Variants in PPARGC1A observed in about 807,000 individuals in gnomAD.
PPARGC1A encodes peroxisome proliferator-activated receptor gamma coactivator 1-alpha.
PPARGC1A carries 25 observed loss-of-function variants against 88.7 expected under a neutral mutation model. The ratio of observed to expected loss-of-function variants is 0.28; its 90% CI spans 0.21 to 0.39. PPARGC1A has a LOEUF of 0.39. PPARGC1A is among the 10% of genes least tolerant of loss of function. PPARGC1A has a pLI of 1.00. For synonymous variants in PPARGC1A, 363 were observed against 355.6 expected (o/e 1.02, Z -0.24); for missense variants, 880 against 968.7 (o/e 0.91, Z 1.22).
At chr4:23,923,747 G>A in the PPARGC1A span, among the ~76,000 whole-genome samples, 2 of 152,146 alleles carry the variant, frequency 1.3e-5, no homozygotes, top group Admixed American at 6.5e-5. Context: ...AAGGAAGAGG[G>A]CAAACTCATT....
the PPARGC1A span, among the ~76,000 whole-genome samples, chr4:24,281,311 C>T: frequency 3.3e-5 from 5 of 152,310 alleles, 1 homozygote; most frequent in African/African-American, 9.6e-5. Flanking sequence ...GCAGACTGTA[C>T]AGGAAGCATG....
chr4:24,168,707 A>G, the PPARGC1A span, among the ~76,000 whole-genome samples: 1 of 152,136 alleles, frequency 6.6e-6, no homozygotes, highest in Admixed American at 6.6e-5. Flanking sequence ...CACCAACTGA[A>G]AGAATTTTCC....
chr4:24,068,462 G>A, the PPARGC1A span, among the ~76,000 whole-genome samples: 3 of 152,152 alleles, frequency 2.0e-5, no homozygotes, highest in East Asian at 1.9e-4. Flanking sequence ...AGTGAGGGCA[G>A]GATGCACATT....
chr4:24,170,195 G>A, the PPARGC1A span, among the ~76,000 whole-genome samples: 17 of 152,242 alleles, frequency 1.1e-4, no homozygotes, highest in Middle Eastern at 3.4e-3. Flanking sequence ...CTACTGAGTG[G>A]TGGTGAAGGG....
chr4:24,041,445 C>T, the PPARGC1A span, among the ~76,000 whole-genome samples: 15 of 152,054 alleles, frequency 9.9e-5, no homozygotes, highest in African/African-American at 3.4e-4. Context: ...CCTGGCCTCC[C>T]ACTGTTGCTA....
chr4:23,966,420 T>C, the PPARGC1A span, among the ~76,000 whole-genome samples: 52,369 of 152,038 alleles, frequency 0.34, 9,461 homozygotes, highest in East Asian at 0.44. Flanking sequence ...GTTGAATCAA[T>C]TTAAATGTAA....
At chr4:23,863,638 A>C (rs1731638611) in intron 2 of PPARGC1A, among the ~76,000 whole-genome samples, 1 of 152,228 alleles carries the variant, frequency 6.6e-6, no homozygotes, top group African/African-American at 2.4e-5. Flanking sequence ...TGCACATAGT[A>C]GGTGATAAAT....
chr4:24,288,418 C>T, the PPARGC1A span, among the ~76,000 whole-genome samples: 1 of 152,204 alleles, frequency 6.6e-6, no homozygotes, highest in Admixed American at 6.5e-5. Context: ...ATTACAAAGT[C>T]TGTAACAGGC....
chr4:24,209,450 T>G, the PPARGC1A span, among the ~76,000 whole-genome samples: 22 of 152,178 alleles, frequency 1.4e-4, 1 homozygote, highest in African/African-American at 5.3e-4. Flanking sequence ...GTGCATAGGC[T>G]GCTACTGACA....
chr4:24,345,724 A>C, the PPARGC1A span, among the ~76,000 whole-genome samples: 4 of 152,138 alleles, frequency 2.6e-5, no homozygotes, highest in East Asian at 7.7e-4. Context: ...TATCGTCAGC[A>C]AACAGTGACA....
the PPARGC1A span, among the ~76,000 whole-genome samples, chr4:24,017,788 T>C: frequency 6.6e-6 from 1 of 152,182 alleles, no homozygotes; most frequent in South Asian, 2.1e-4. Context: ...ATTCCTAGGA[T>C]TAAATACTTA....
At chr4:24,251,120 G>GT in the PPARGC1A span, among the ~76,000 whole-genome samples, 3 of 152,172 alleles carry the variant, frequency 2.0e-5, no homozygotes, top group Admixed American at 2.0e-4. Flanking sequence ...TCCTGTGCTA[G>GT]TTATAGCTTC....
chr4:24,460,354 A>G, the PPARGC1A span, among the ~76,000 whole-genome samples: 1 of 152,196 alleles, frequency 6.6e-6, no homozygotes, highest in African/African-American at 2.4e-5. Context: ...CTAAGAGGAC[A>G]CTTTACGGTT....
At position 23,813,776 on chromosome 4, in the gene PPARGC1A, T is replaced by C. The variant is rs201131912; in HGVS notation, c.1707A>G (p.Ser569=). ...ACGACCTGTGTCGAGAAAAGGACCT[T>C]GAACGAGAGCGCATCCTTTGGGGTC... is the stretch of plus-strand genomic sequence containing the variant. ...SQRPQRMRSR[S]RSFSRHRSCS... is the part of the protein sequence containing the mutation. The change falls in exon 8 of 13, where the codon TCA becomes TCG. Residue 569 remains serine (S), a synonymous_variant. Transcript: ENST00000264867. 3.7e-6 allele frequency: 6 copies of C among 1,613,606 alleles called. No homozygotes were observed. Among genetic ancestry groups the C allele is most frequent in the East Asian group, 2.2e-5 (1 of 44,860 alleles).
chr4:24,272,015 T>C, the PPARGC1A span, among the ~76,000 whole-genome samples: 1,297 of 152,220 alleles, frequency 8.5e-3, 30 homozygotes, highest in African/African-American at 0.03. Context: ...AAGGTGGAGG[T>C]GTGCTGACTG....
the PPARGC1A span, among the ~76,000 whole-genome samples, chr4:24,369,402 A>C: frequency 1.2e-4 from 18 of 152,326 alleles, no homozygotes; most frequent in East Asian, 1.5e-3. Flanking sequence ...GGCATCCGAG[A>C]CATGGAAGTT....
At chr4:24,337,176 T>G in the PPARGC1A span, among the ~76,000 whole-genome samples, 4 of 152,210 alleles carry the variant, frequency 2.6e-5, no homozygotes, top group Non-Finnish European at 5.9e-5. Context: ...TGATTTGTCC[T>G]TTGTGAAACA....
the PPARGC1A span, among the ~76,000 whole-genome samples, chr4:23,983,362 T>C: frequency 1.3e-5 from 2 of 152,146 alleles, no homozygotes; most frequent in African/African-American, 2.4e-5. Context: ...AAAGCAAGTA[T>C]CTTATTATAA....
chr4:23,837,965 TAAGA>T (rs994667744), intron 2 of PPARGC1A, among the ~76,000 whole-genome samples: 3 of 152,182 alleles, frequency 2.0e-5, no homozygotes, highest in African/African-American at 7.2e-5. Context: ...TCAATATTTA[TAAGA>T]AAGTAAAGTC....
Sources: allele counts gnomAD v4.1 joint callset (sites outside exome capture counted in the v4.1 genomes callset), GRCh38; gene constraint gnomAD v4.1.1; transcripts MANE v1.5; gene names NCBI Gene and HGNC (gene_info 2026-07-23, HGNC 2026-07-21).